Variants in CAST observed in about 807,000 individuals in gnomAD.
The protein encoded by CAST is calpastatin.
CAST carries 76 observed loss-of-function variants against 119.6 expected under a neutral mutation model. The ratio of observed to expected loss-of-function variants is 0.64; its 90% CI spans 0.53 to 0.77. The LOEUF is 0.77. Ranked by LOEUF, CAST falls within the 30% of genes least tolerant of loss-of-function variation. The probability of loss-of-function intolerance (pLI) is 0.00; values close to 1 mark genes in which losing one functional copy is unlikely to be tolerated. For missense variants in CAST, 953 were observed against 946.5 expected (o/e 1.01, Z -0.09); for synonymous variants, 319 against 331.6 (o/e 0.96, Z 0.41).
chr5:96,460,537 A>C, the CAST span, among the ~76,000 whole-genome samples: 3 of 150,600 alleles, frequency 2.0e-5, no homozygotes, highest in Non-Finnish European at 4.4e-5. Flanking sequence ...CAGAACTTAA[A>C]GTAAAATAAA....
At chr5:96,241,709 A>T in the CAST span, among the ~76,000 whole-genome samples, 4 of 142,280 alleles carry the variant, frequency 2.8e-5, no homozygotes, top group Non-Finnish European at 4.8e-5. Context: ...ATTTCTCGAC[A>T]TCCTCTCCAG....
intron 3 of CAST, among the ~76,000 whole-genome samples, chr5:96,712,349 G>A (rs1451297060): frequency 6.6e-6 from 1 of 152,096 alleles, no homozygotes. Flanking sequence ...TTTGAAACAG[G>A]CTCTTGGGGT....
chr5:96,664,947 C>T (rs551384633), intron 1 of CAST, among the ~76,000 whole-genome samples: 5 of 152,314 alleles, frequency 3.3e-5, no homozygotes, highest in African/African-American at 1.2e-4. Flanking sequence ...TCAGAGTTGA[C>T]ATCAAAATTC....
At chr5:96,156,708 C>T in the CAST span, among the ~76,000 whole-genome samples, 15 of 152,320 alleles carry the variant, frequency 9.8e-5, no homozygotes, top group South Asian at 1.9e-3. Flanking sequence ...TCTTTACGAA[C>T]TCCAAAAATT....
chr5:96,320,418 A>G, the CAST span, among the ~76,000 whole-genome samples: 4 of 151,646 alleles, frequency 2.6e-5, no homozygotes, highest in African/African-American at 9.7e-5. Context: ...TTGTATTTTT[A>G]GTAGAGATGG....
At chr5:96,089,678 C>G in the CAST span, among the ~76,000 whole-genome samples, 1 of 152,124 alleles carries the variant, frequency 6.6e-6, no homozygotes, top group Non-Finnish European at 1.5e-5. Flanking sequence ...GTATGTGTAG[C>G]CTTTCTTGAC....
chr5:96,284,973 T>C, the CAST span, among the ~76,000 whole-genome samples: 5 of 152,236 alleles, frequency 3.3e-5, no homozygotes, highest in African/African-American at 1.2e-4. Context: ...GGGACTTCTA[T>C]TAGCCCTAAC....
intron 1 of CAST, among the ~76,000 whole-genome samples, chr5:96,597,148 C>T (rs1319553227): frequency 2.6e-5 from 4 of 152,146 alleles, no homozygotes; most frequent in Non-Finnish European, 5.9e-5. Context: ...TTAGGATCCA[C>T]GACCTCATAT....
At chr5:96,754,835 G>A in intron 22 of CAST, 94 bp downstream of exon 22, 1 of 748,842 alleles carries the variant, frequency 1.3e-6, no homozygotes, top group Non-Finnish European at 2.3e-6. Context: ...GGAATATAAA[G>A]ATCTTGTTTC....
At chr5:96,408,378 C>T in the CAST span, 1 of 1,297,516 alleles carries the variant, frequency 7.7e-7, no homozygotes, top group East Asian at 2.4e-5. Flanking sequence ...GGAGTGTGGG[C>T]CTGTCTTGGG....
the CAST span, among the ~76,000 whole-genome samples, chr5:96,317,629 A>G: frequency 3.3e-5 from 5 of 152,304 alleles, no homozygotes; most frequent in African/African-American, 1.2e-4. Context: ...GTCATATTAC[A>G]TGAACCCTTC....
chr5:96,662,604 C>T, intron 1 of CAST, 107 bp downstream of exon 1: 4 of 1,266,532 alleles, frequency 3.2e-6, no homozygotes, highest in Middle Eastern at 3.0e-4. Context: ...TCTGCAGTCC[C>T]CGGCGCCCCC....
chr5:96,043,227 T>C, the CAST span, among the ~76,000 whole-genome samples: 1 of 152,164 alleles, frequency 6.6e-6, no homozygotes. Context: ...CTTCTGAAAT[T>C]GTGAATAAAA....
chr5:96,006,454 C>A, the CAST span, among the ~76,000 whole-genome samples: 9 of 152,234 alleles, frequency 5.9e-5, no homozygotes, highest in Non-Finnish European at 1.2e-4. Flanking sequence ...CCTGTCCAAG[C>A]CCACACATGC....
At chr5:96,554,597 C>T (rs1459576879) in intron 1 of CAST, among the ~76,000 whole-genome samples, 3 of 152,158 alleles carry the variant, frequency 2.0e-5, no homozygotes, top group Non-Finnish European at 4.4e-5. Context: ...GCAAAAGAAA[C>T]TATCATCAGA....
the CAST span, among the ~76,000 whole-genome samples, chr5:96,183,601 T>C: frequency 2.0e-5 from 3 of 152,208 alleles, no homozygotes; most frequent in South Asian, 6.2e-4. Flanking sequence ...ACATATTTAT[T>C]TCGGCATAGT....
chr5:96,124,083 A>C, the CAST span, among the ~76,000 whole-genome samples: 1 of 152,196 alleles, frequency 6.6e-6, no homozygotes, highest in Non-Finnish European at 1.5e-5. Flanking sequence ...ACCAAAATTT[A>C]ATCATCCCAA....
At chr5:96,445,996 T>A in the CAST span, among the ~76,000 whole-genome samples, 58 of 152,132 alleles carry the variant, frequency 3.8e-4, no homozygotes, top group Non-Finnish European at 1.5e-5. Flanking sequence ...CATAGGCATG[T>A]GCCACCACTC....
the CAST span, chr5:96,432,771 G>T: frequency 9.7e-7 from 1 of 1,034,336 alleles, no homozygotes; most frequent in Non-Finnish European, 1.5e-6. Flanking sequence ...GCTCTGGAGA[G>T]TGCAACCTGG....
Sources: allele counts gnomAD v4.1 joint callset (sites outside exome capture counted in the v4.1 genomes callset), GRCh38; gene constraint gnomAD v4.1.1; transcripts MANE v1.5; gene names NCBI Gene and HGNC (gene_info 2026-07-23, HGNC 2026-07-21).